The following KLF12 variants were observed in gnomAD, a reference collection of about 807,000 sequenced individuals.
The protein encoded by KLF12 is Krueppel-like factor 12.
Under a neutral mutation model 37.8 loss-of-function variants are expected in KLF12, and 9 were observed. That is an observed-to-expected ratio of 0.24 (90% CI 0.14 to 0.42). The LOEUF is 0.42. KLF12 is among the 10% of genes least tolerant of loss of function. KLF12 has a pLI of 1.00. For synonymous variants in KLF12, 208 were observed against 202.1 expected (o/e 1.03, Z -0.25); for missense variants, 411 against 516.0 (o/e 0.80, Z 1.97).
At chr13:74,174,073 A>G in the KLF12 span, among the ~76,000 whole-genome samples, 1 of 152,302 alleles carries the variant, frequency 6.6e-6, no homozygotes, top group South Asian at 2.1e-4. Context: ...GGACTTCTAC[A>G]TGATGCCGGT....
intron 3 of KLF12, among the ~76,000 whole-genome samples, chr13:73,873,891 C>A (rs752127893): frequency 7.2e-5 from 11 of 151,774 alleles, no homozygotes; most frequent in Non-Finnish European, 1.6e-4. Flanking sequence ...AGAAGGCCCT[C>A]AGAATTTACA....
At chr13:73,953,970 CTTTTTTTTTTTTTTTT>C (rs67945624) in intron 2 of KLF12, among the ~76,000 whole-genome samples, 20 of 88,534 alleles carry the variant, frequency 2.3e-4, no homozygotes, top group Non-Finnish European at 3.5e-4. Context: ...TTTTTTCTTT[CTTTTTTTTTTTTTTTT>C]TTTTTTTTTT....
At chr13:74,095,478 T>G (rs1430718312) in intron 1 of KLF12, among the ~76,000 whole-genome samples, 2 of 152,020 alleles carry the variant, frequency 1.3e-5, no homozygotes, top group Non-Finnish European at 2.9e-5. Flanking sequence ...AGCCTCAAAC[T>G]CCTGGGCTCA....
chr13:74,018,975 T>A (rs1223538757), intron 1 of KLF12, among the ~76,000 whole-genome samples: 2 of 152,224 alleles, frequency 1.3e-5, no homozygotes, highest in African/African-American at 4.8e-5. Context: ...ATATCAGGCA[T>A]GCTTTATTCA....
At chr13:74,089,564 A>C (rs2138808884) in intron 1 of KLF12, among the ~76,000 whole-genome samples, 1 of 152,158 alleles carries the variant, frequency 6.6e-6, no homozygotes, top group African/African-American at 2.4e-5. Context: ...TAGCAAACCA[A>C]ACCTAGCAAC....
rs534341702 is a variant in KLF12, at chr13:74,110,972, G to A, written c.-32+22767C>T. Among the ~76,000 whole-genome samples, 23 of 152,086 alleles carry A rather than the reference G, an allele frequency of 1.5e-4. No homozygotes were observed. The South Asian group carries it at 4.6e-3, about 30-fold the overall frequency. Reference sequence around the variant, plus strand: ...GTACGAGACCAGCCTGACCAACATGGTGAAACCCCGTCTCCACTAAAAATA... The same window carrying A: ...GTACGAGACCAGCCTGACCAACATGATGAAACCCCGTCTCCACTAAAAATA... On this transcript the variant is annotated intron_variant, in intron 1 of 7. Transcript: ENST00000377669.
the KLF12 span, among the ~76,000 whole-genome samples, chr13:74,191,472 T>A: frequency 6.6e-6 from 1 of 152,232 alleles, no homozygotes; most frequent in Non-Finnish European, 1.5e-5. Flanking sequence ...TCTGATGTAA[T>A]CCTAGAAGGA....
chr13:73,807,948 A>G (rs967830172), intron 5 of KLF12, among the ~76,000 whole-genome samples: 4 of 152,210 alleles, frequency 2.6e-5, no homozygotes, highest in Admixed American at 1.3e-4. Context: ...GCATTAATAA[A>G]TGAGCATTAT....
intron 3 of KLF12, among the ~76,000 whole-genome samples, chr13:73,936,412 T>C (rs1382076092): frequency 6.6e-6 from 1 of 152,130 alleles, no homozygotes; most frequent in Non-Finnish European, 1.5e-5. Flanking sequence ...CTCTCCACCC[T>C]GATTTCTGTC....
At chr13:74,192,199 A>G in the KLF12 span, among the ~76,000 whole-genome samples, 1 of 152,196 alleles carries the variant, frequency 6.6e-6, no homozygotes, top group Non-Finnish European at 1.5e-5. Flanking sequence ...CAACTTACTA[A>G]TACTAGATCT....
chr13:74,214,954 C>T, the KLF12 span, among the ~76,000 whole-genome samples: 1 of 151,980 alleles, frequency 6.6e-6, no homozygotes, highest in Admixed American at 6.6e-5. Flanking sequence ...ACCACCACAC[C>T]TGGCTAATTT....
chr13:73,891,468 A>G (rs1887504726), intron 3 of KLF12, among the ~76,000 whole-genome samples: 1 of 152,128 alleles, frequency 6.6e-6, no homozygotes, highest in African/African-American at 2.4e-5. Flanking sequence ...TATATTTAGT[A>G]ACTCAAACAC....
the KLF12 span, among the ~76,000 whole-genome samples, chr13:74,177,839 A>G: frequency 6.6e-6 from 1 of 152,184 alleles, no homozygotes. Context: ...TAGGTAATTC[A>G]TTTTGGTCTT....
At chr13:74,297,463 G>A in the KLF12 span, among the ~76,000 whole-genome samples, 1 of 152,332 alleles carries the variant, frequency 6.6e-6, no homozygotes, top group Admixed American at 6.5e-5. Context: ...TGTTCAGGAA[G>A]TATCTCAAAA....
At chr13:74,199,459 C>G in the KLF12 span, among the ~76,000 whole-genome samples, 3 of 152,262 alleles carry the variant, frequency 2.0e-5, no homozygotes, top group Admixed American at 6.5e-5. Flanking sequence ...CTGCTGTACA[C>G]TCAATAAGTG....
At chr13:73,708,210 C>G (rs546152934) in intron 7 of KLF12, among the ~76,000 whole-genome samples, 5 of 151,996 alleles carry the variant, frequency 3.3e-5, no homozygotes, top group Non-Finnish European at 7.4e-5. Flanking sequence ...ATGTGACTAC[C>G]TTAAGTTTAC....
the KLF12 span, among the ~76,000 whole-genome samples, chr13:74,157,454 T>A: frequency 6.6e-6 from 1 of 152,158 alleles, no homozygotes; most frequent in African/African-American, 2.4e-5. Flanking sequence ...AAAAAGCATG[T>A]TACCCTAGAC....
the KLF12 span, among the ~76,000 whole-genome samples, chr13:74,193,195 G>A: frequency 1.3e-5 from 2 of 151,992 alleles, no homozygotes; most frequent in South Asian, 2.1e-4. Flanking sequence ...GGCCAGGCTG[G>A]TCTCGAACTC....
chr13:73,757,589 A>C (rs1258812547), intron 6 of KLF12, among the ~76,000 whole-genome samples: 2 of 152,200 alleles, frequency 1.3e-5, no homozygotes, highest in African/African-American at 4.8e-5. Flanking sequence ...AGCTAGAAAG[A>C]TGACATTGCA....
Sources: allele counts gnomAD v4.1 joint callset (sites outside exome capture counted in the v4.1 genomes callset), GRCh38; gene constraint gnomAD v4.1.1; transcripts MANE v1.5; gene names NCBI Gene and HGNC (gene_info 2026-07-23, HGNC 2026-07-21).